TMEM170B: variants seen among roughly 807,000 people sequenced by gnomAD.
TMEM170B encodes the protein transmembrane protein 170B.
In TMEM170B, 6 loss-of-function variants were observed where a neutral mutation model predicts 13.0. The ratio of observed to expected loss-of-function variants is 0.46; its 90% CI spans 0.25 to 0.91. The LOEUF is 0.91. Ranked by LOEUF, TMEM170B falls within the 40% of genes least tolerant of loss-of-function variation. The probability of loss-of-function intolerance (pLI) is 0.17; values close to 1 mark genes in which losing one functional copy is unlikely to be tolerated. For missense variants in TMEM170B, 138 were observed against 165.2 expected (o/e 0.84, Z 0.90); for synonymous variants, 61 against 64.9 (o/e 0.94, Z 0.29).
At chr6:11,552,713 A>G (rs796777069) in intron 1 of TMEM170B, among the ~76,000 whole-genome samples, 14 of 152,304 alleles carry the variant, frequency 9.2e-5, no homozygotes, top group African/African-American at 3.4e-4. Context: ...GGTAACATAT[A>G]TTCTCTGTTT....
At chr6:11,548,404 A>T (rs1759468449) in intron 1 of TMEM170B, among the ~76,000 whole-genome samples, 1 of 152,220 alleles carries the variant, frequency 6.6e-6, no homozygotes, top group African/African-American at 2.4e-5. Flanking sequence ...TAGAATGGCG[A>T]TCATTAAAAA....
chr6:11,547,427 A>G (rs557221065), intron 1 of TMEM170B, among the ~76,000 whole-genome samples: 43 of 152,302 alleles, frequency 2.8e-4, no homozygotes, highest in African/African-American at 9.4e-4. Context: ...AAATTACTTC[A>G]AATGTCTACT....
intron 1 of TMEM170B, among the ~76,000 whole-genome samples, chr6:11,545,280 C>CTCTCTCTCTGTGTGTG (rs1442789332): frequency 1.9e-4 from 26 of 139,812 alleles, no homozygotes; most frequent in African/African-American, 7.0e-4. Flanking sequence ...CTCTCTCTCT[C>CTCTCTCTCTGTGTGTG]TGTGTGTGTG....
intron 1 of TMEM170B, among the ~76,000 whole-genome samples, chr6:11,556,813 G>T (rs1759595925): frequency 6.6e-6 from 1 of 152,112 alleles, no homozygotes; most frequent in Admixed American, 6.6e-5. Flanking sequence ...TAGGGTGACA[G>T]GATTTGCTGC....
At chr6:11,547,326 T>G (rs1250534048) in intron 1 of TMEM170B, among the ~76,000 whole-genome samples, 1 of 152,204 alleles carries the variant, frequency 6.6e-6, no homozygotes, top group African/African-American at 2.4e-5. Flanking sequence ...GAAGGCATGC[T>G]TCTCTTGGGG....
chr6:11,548,390 C>T (rs1438240224), intron 1 of TMEM170B, among the ~76,000 whole-genome samples: 1 of 152,130 alleles, frequency 6.6e-6, no homozygotes, highest in African/African-American at 2.4e-5. Flanking sequence ...CATCCCACAC[C>T]AGTTAGAATG....
chr6:11,545,933 A>C (rs1759433706), intron 1 of TMEM170B, among the ~76,000 whole-genome samples: 1 of 150,050 alleles, frequency 6.7e-6, no homozygotes. Context: ...AATGGCATGA[A>C]CCTGGGAGGC....
intron 1 of TMEM170B, among the ~76,000 whole-genome samples, chr6:11,540,415 G>A (rs1402336874): frequency 3.9e-5 from 6 of 152,204 alleles, no homozygotes; most frequent in African/African-American, 1.4e-4. Flanking sequence ...TTCACCAGGA[G>A]TAGATTGCAT....
intron 2 of TMEM170B, among the ~76,000 whole-genome samples, chr6:11,571,323 C>G (rs946615275): frequency 6.6e-6 from 1 of 152,076 alleles, no homozygotes; most frequent in Non-Finnish European, 1.5e-5. Context: ...GTCGCTAGGA[C>G]CACAGGCTAT....
intron 1 of TMEM170B, among the ~76,000 whole-genome samples, chr6:11,558,177 T>C (rs182207023): frequency 2.0e-5 from 3 of 152,350 alleles, no homozygotes; most frequent in Non-Finnish European, 1.5e-5. Flanking sequence ...GATATGATTC[T>C]ATAACTTCTT....
intron 2 of TMEM170B, among the ~76,000 whole-genome samples, chr6:11,571,673 T>C (rs1170513563): frequency 6.6e-6 from 1 of 152,094 alleles, no homozygotes; most frequent in Non-Finnish European, 1.5e-5. Flanking sequence ...AAAATAAAGA[T>C]CTTAATGTAC....
intron 1 of TMEM170B, among the ~76,000 whole-genome samples, chr6:11,555,691 A>G (rs1759578315): frequency 2.0e-5 from 3 of 152,154 alleles, no homozygotes; most frequent in African/African-American, 7.2e-5. Context: ...TTCTTCCACT[A>G]GAGACTTTAA....
At chr6:11,567,536 G>T (rs952952817) in intron 2 of TMEM170B, among the ~76,000 whole-genome samples, 1 of 152,206 alleles carries the variant, frequency 6.6e-6, no homozygotes, top group Admixed American at 6.5e-5. Flanking sequence ...ATGTTCCTGG[G>T]TATGTCCTAT....
chr6:11,557,734 C>T (rs1454826887), intron 1 of TMEM170B, among the ~76,000 whole-genome samples: 1 of 152,190 alleles, frequency 6.6e-6, no homozygotes, highest in Admixed American at 6.5e-5. Context: ...CAGTTGTTCA[C>T]ACCAGAAATC....
intron 1 of TMEM170B, among the ~76,000 whole-genome samples, chr6:11,541,474 C>T (rs1460852498): frequency 2.0e-5 from 3 of 152,198 alleles, no homozygotes; most frequent in Non-Finnish European, 4.4e-5. Flanking sequence ...TCCCAGCCTG[C>T]ATGGAATTGA....
intron 2 of TMEM170B, among the ~76,000 whole-genome samples, chr6:11,568,228 C>T (rs919832664): frequency 1.3e-5 from 2 of 151,910 alleles, no homozygotes; most frequent in Non-Finnish European, 2.9e-5. Context: ...GAGTAATGGC[C>T]GTAGGTTGGG....
At chr6:11,539,774 A>G (rs957240731) in intron 1 of TMEM170B, among the ~76,000 whole-genome samples, 3 of 152,198 alleles carry the variant, frequency 2.0e-5, no homozygotes, top group Admixed American at 6.5e-5. Context: ...TTTTGCTTGC[A>G]TTTATCCACT....
At position 11,575,574 on chromosome 6, in the gene TMEM170B, A is replaced by T; in HGVS notation, c.*13A>T. On this transcript the variant is annotated 3_prime_UTR_variant, in exon 3 of 3. Transcript: ENST00000379426. This position sits in a 1 kb window ranked among gnomAD's most constrained non-coding sequence, Gnocchi z 4.1. ...CGCTACACTTTGAGGTTTCTGTGGG[A>T]ATGTCTTACTTCACATAAGGAAACA... 1.2e-6 allele frequency: 2 copies of T among 1,612,288 alleles called. No individual in the cohort carries two copies. The highest frequency in any genetic ancestry group is 1.7e-6 in the Non-Finnish European group (2 of 1,178,992).
At chr6:11,563,689 G>A (rs959144248) in intron 1 of TMEM170B, among the ~76,000 whole-genome samples, 4 of 152,230 alleles carry the variant, frequency 2.6e-5, no homozygotes, top group African/African-American at 9.6e-5. Context: ...TTGAGGCCAG[G>A]TGTGGTGGTT....
Sources: gnomAD v4.1 joint callset for allele counts (sites outside exome capture counted in the v4.1 genomes callset) on GRCh38, gnomAD v4.1.1 for gene constraint, Gnocchi (gnomAD v3.1) non-coding constraint, MANE v1.5 for transcripts, NCBI Gene and HGNC (gene_info 2026-07-23, HGNC 2026-07-21) for gene names.